The following TTI2 variants were observed in gnomAD, a reference collection of about 807,000 sequenced individuals.
TTI2 encodes TELO2 interacting protein 2, also known as TELO2-interacting protein 2.
In TTI2, 26 loss-of-function variants were observed where a neutral mutation model predicts 44.9. The observed-to-expected ratio is 0.58, with a 90% confidence interval of 0.42 to 0.80. The LOEUF (loss-of-function observed/expected upper bound fraction) is 0.80. Ranked by LOEUF, TTI2 falls within the 30% of genes least tolerant of loss-of-function variation. The pLI, the probability that TTI2 is intolerant of heterozygous loss-of-function variation, is 0.00. For synonymous variants in TTI2, 254 were observed against 250.9 expected (o/e 1.01, Z -0.12); for missense variants, 582 against 611.6 (o/e 0.95, Z 0.51).
chr8:33,511,811 C>G (rs865950452), intron 2 of TTI2, among the ~76,000 whole-genome samples, 156 bp downstream of exon 2: 14 of 152,136 alleles, frequency 9.2e-5, no homozygotes, highest in Non-Finnish European at 2.1e-4. Context: ...ATCGCTTGAA[C>G]CCAGGAGGCG....
rs1230816795 is a variant in TTI2 at position 33,512,095 on chromosome 8, C to G, written c.519G>C (p.Arg173Ser). The G allele has an allele frequency of 6.2e-7, 1 of 1,614,078 alleles. No homozygotes were observed. Among genetic ancestry groups the G allele is most frequent in the Admixed American group, 1.7e-5 (1 of 60,018 alleles). Residue 173 changes from arginine to serine, a missense_variant, in exon 2 of 8, where the codon AGG (arginine) becomes AGC (serine). Physicochemically the swap from Arg to Ser is moderately radical, Grantham distance 110. Transcript: ENST00000431156. ...WTTPRSREVA[R>S]EVLTSLLQVT... ...CTTGAAGCAGTGAGGTGAGCACCTC[C>G]CTAGCAACTTCCCGAGATCTCGGAG...
chr8:33,502,105 G>A (rs561062711), intron 6 of TTI2, among the ~76,000 whole-genome samples: 1 of 151,912 alleles, frequency 6.6e-6, no homozygotes, highest in African/African-American at 2.4e-5. Context: ...CACCATGCCC[G>A]GCTAAGTTTT....
chr8:33,500,980 C>T (rs1809055459), intron 6 of TTI2: 1 of 160,434 alleles, frequency 6.2e-6, no homozygotes, highest in African/African-American at 2.4e-5. Context: ...GATCCTAGCT[C>T]ATCATCAGTG....
chr8:33,499,103 TTAAA>T lies in TTI2; in HGVS notation c.*66_*69del, dbSNP rs1027071797. The T allele has an allele frequency of 2.3e-6, 3 of 1,291,186 alleles. No homozygotes were observed. Among genetic ancestry groups the T allele is most frequent in the Non-Finnish European group, 3.4e-6 (3 of 891,388 alleles). The allele number at this position is 1,291,186 out of a possible 1,614,324, so 80.0% of individuals were successfully genotyped here. Reference sequence around the variant, plus strand: ...TTTCGTGTAAAAATATCTTTTTTTCTTAAATAACTCCATTCATACAAATTGGGAT... The same window carrying T: ...TTTCGTGTAAAAATATCTTTTTTTCTTAACTCCATTCATACAAATTGGGAT... On this transcript the variant is annotated 3_prime_UTR_variant, in exon 8 of 8. Transcript: ENST00000431156.
At chr8:33,499,306 TA>T (rs200830463) in intron 7 of TTI2, 29 bp from the exon 8 acceptor site, 75 of 1,515,572 alleles carry the variant, frequency 4.9e-5, no homozygotes, top group South Asian at 2.5e-4. Context: ...CAGGCTTTGA[TA>T]TTTTTTTTTT....
In TTI2 at chr8:33,499,138, G is replaced by GA. The variant is rs762760847; in HGVS notation, c.*34dup. ...CCATTCATACAAATTGGGATGGGAAGAAAATCCTTTCCTCTTGGGAAAGTA... is the reference window on the plus strand; with the variant it reads ...CCATTCATACAAATTGGGATGGGAAGAAAAATCCTTTCCTCTTGGGAAAGTA... On this transcript the variant is annotated 3_prime_UTR_variant, in exon 8 of 8. Transcript: ENST00000431156. The GA allele has an allele frequency of 6.5e-7, 1 of 1,543,986 alleles. No homozygotes were observed. The highest frequency in any genetic ancestry group is 1.1e-5 in the South Asian group (1 of 89,626).
rs1361095139 is a variant in TTI2 at position 33,499,258 on chromosome 8, G to C, written c.1442C>G (p.Pro481Arg). Residue 481 changes from proline (P) to arginine (R), a missense_variant, in exon 8 of 8, where the codon CCC (proline) becomes CGC (arginine). Transcript: ENST00000431156. Reference protein sequence around the residue: ...GRVKGLLAKIPQSCEDRKVVN... With the variant: ...GRVKGLLAKIRQSCEDRKVVN... ...CACTTTTCTGTCTTCACAGCTTTGG[G>C]GAATTTTGGCCAGGAGACCCTGAAA... The C allele has an allele frequency of 6.2e-7, 1 of 1,613,770 alleles. No homozygotes were observed. Among genetic ancestry groups the C allele is most frequent in the Non-Finnish European group, 8.5e-7 (1 of 1,179,948 alleles).
intron 4 of TTI2, among the ~76,000 whole-genome samples, chr8:33,504,191 A>G (rs1207147562): frequency 6.6e-6 from 1 of 151,926 alleles, no homozygotes; most frequent in Non-Finnish European, 1.5e-5. Flanking sequence ...AATCGGAAAA[A>G]TGGCAGAGCT....
chr8:33,511,051 A>G (rs1380373645), intron 2 of TTI2, among the ~76,000 whole-genome samples: 1 of 152,050 alleles, frequency 6.6e-6, no homozygotes, highest in Non-Finnish European at 1.5e-5. Context: ...AGTAATTTGT[A>G]ATTTTTTTTG....
intron 5 of TTI2, 21 bp downstream of exon 5, chr8:33,503,727 A>C: frequency 1.2e-6 from 2 of 1,612,084 alleles, no homozygotes; most frequent in African/African-American, 1.3e-5. Context: ...AATAATAATA[A>C]ATAAAAGCCC....
intron 4 of TTI2, among the ~76,000 whole-genome samples, chr8:33,506,064 C>T (rs1173420481): frequency 5.3e-5 from 8 of 151,966 alleles, no homozygotes; most frequent in African/African-American, 1.9e-4. Flanking sequence ...GGATTACAGG[C>T]GTGAGCCCTC....
At chr8:33,500,157 TAAG>T in intron 7 of TTI2, 168 bp downstream of exon 7, 1 of 682,270 alleles carries the variant, frequency 1.5e-6, no homozygotes, top group Non-Finnish European at 2.4e-6. Flanking sequence ...AAAAGATGAA[TAAG>T]AAAAAAGATC....
rs145382016 is a variant in TTI2 at position 33,500,355 on chromosome 8, C to G, written c.1395G>C (p.Leu465=). 1.2e-6 allele frequency: 2 copies of G among 1,614,006 alleles called. No individual in the cohort carries two copies. Among genetic ancestry groups the G allele is most frequent in the African/African-American group, 2.7e-5 (2 of 74,912 alleles). Residue 465 remains leucine, a synonymous_variant, in exon 7 of 8, where the codon CTG becomes CTC. Transcript: ENST00000431156. Reference sequence around the variant, plus strand: ...TTACCCGTCCTTGAGAACAGCGGTCCAGGAGAATCAGGCAGTCTGTGGCCT... The same window carrying G: ...TTACCCGTCCTTGAGAACAGCGGTCGAGGAGAATCAGGCAGTCTGTGGCCT... The part of the protein sequence containing the change: ...LQEATDCLIL[L]DRCSQGRVKG...
intron 2 of TTI2, among the ~76,000 whole-genome samples, chr8:33,511,525 A>G (rs1371285441): frequency 6.6e-6 from 1 of 152,096 alleles, no homozygotes; most frequent in Non-Finnish European, 1.5e-5. Flanking sequence ...GCCTTAAGAG[A>G]TCCGTGGTTA....
intron 3 of TTI2, among the ~76,000 whole-genome samples, chr8:33,509,071 A>C (rs1809411514): frequency 1.4e-5 from 2 of 145,182 alleles, no homozygotes; most frequent in South Asian, 4.4e-4. Flanking sequence ...TGAACCCGGG[A>C]GGCAGAGGCT....
At chr8:33,504,808 C>T (rs77727993) in intron 4 of TTI2, among the ~76,000 whole-genome samples, 1,847 of 152,222 alleles carry the variant, frequency 0.012, 44 homozygotes, top group African/African-American at 0.042. Flanking sequence ...TTCCTGGGAC[C>T]TTTGGTTTTT....
intron 4 of TTI2, among the ~76,000 whole-genome samples, chr8:33,505,721 T>C (rs1256192181): frequency 6.6e-6 from 1 of 152,160 alleles, no homozygotes; most frequent in African/African-American, 2.4e-5. Flanking sequence ...TGGCGCGATC[T>C]TGGCTCACCG....
At position 33,508,253 on chromosome 8, in the gene TTI2, T is replaced by C. The variant is rs1809378796; in HGVS notation, c.835-932A>G. On this transcript the variant is annotated intron_variant, in intron 3 of 7. Coordinates refer to ENST00000431156, the MANE Select transcript of TTI2 (RefSeq NM_001102401.4). ...TAAAATGTGTATAGTTTCCTCTTGC[T>C]AATCTGCCTGTTGTCAATTTGGTTT... 2.6e-5 allele frequency among the ~76,000 whole-genome samples: 4 copies of C among 152,096 alleles called. 1 individual carries two copies. In the South Asian group the frequency reaches 8.3e-4, roughly 32 times the overall value.
At chr8:33,499,867 A>G (rs2128826357) in intron 7 of TTI2, 1 of 157,480 alleles carries the variant, frequency 6.4e-6, no homozygotes, top group African/African-American at 2.4e-5. Flanking sequence ...CAAAGGAAGA[A>G]TTTCCATGTA....
Sources: allele counts gnomAD v4.1 joint callset (sites outside exome capture counted in the v4.1 genomes callset), GRCh38; gene constraint gnomAD v4.1.1; transcripts MANE v1.5; gene names NCBI Gene and HGNC (gene_info 2026-07-23, HGNC 2026-07-21).